The following CAMSAP1 variants were observed in gnomAD, a reference collection of about 807,000 sequenced individuals.
The protein encoded by CAMSAP1 is calmodulin regulated spectrin associated protein 1.
In CAMSAP1, 58 loss-of-function variants were observed where a neutral mutation model predicts 143.5. The observed-to-expected ratio is 0.40, with a 90% CI of 0.33 to 0.50. The LOEUF is 0.50. Among genes scored for constraint, CAMSAP1 ranks in the 20% least tolerant of loss-of-function variants. The pLI, the probability that CAMSAP1 is intolerant of heterozygous loss-of-function variation, is 0.45. For missense variants in CAMSAP1, 1,969 were observed against 2,115.7 expected, an observed-to-expected ratio of 0.93 and a Z score of 1.36; for synonymous variants, 945 against 859.3, an observed-to-expected ratio of 1.10 and a Z score of -1.74.
intron 1 of CAMSAP1, among the ~76,000 whole-genome samples, chr9:135,901,406 G>A (rs1838612443): frequency 6.6e-6 from 1 of 152,140 alleles, no homozygotes; most frequent in African/African-American, 2.4e-5. Context: ...AGGAGTTTGA[G>A]AAGCCTGGGC....
intron 16 of CAMSAP1, among the ~76,000 whole-genome samples, chr9:135,814,654 C>T (rs1835165104): frequency 6.6e-6 from 1 of 152,274 alleles, no homozygotes; most frequent in Non-Finnish European, 1.5e-5. Context: ...CGTCCTCCGT[C>T]CTCGGTCCTC....
chr9:135,893,499 G>T (rs933628361), intron 1 of CAMSAP1, among the ~76,000 whole-genome samples: 2 of 152,254 alleles, frequency 1.3e-5, no homozygotes, highest in East Asian at 3.9e-4. Flanking sequence ...TTATACAATG[G>T]GCTGATGAAT....
intron 1 of CAMSAP1, among the ~76,000 whole-genome samples, chr9:135,896,146 T>A (rs1228155584): frequency 6.6e-6 from 1 of 152,114 alleles, no homozygotes; most frequent in South Asian, 2.1e-4. Context: ...ATAACATCAT[T>A]ACATGCTCTT....
rs554828972 is a variant in CAMSAP1 at position 135,839,231 on chromosome 9, G to A, written c.1045+10906C>T. Among the ~76,000 whole-genome samples, 12 of 152,284 alleles carry A rather than the reference G, an allele frequency of 7.9e-5. No individual in the cohort carries two copies. In the South Asian group the frequency reaches 2.5e-3, roughly 32 times the overall value. ...CTCCCTGCTGATGCAGAGTGTATGA[G>A]TCCCTATTTCTAGCTACTCAGCAAG... On this transcript the variant is annotated intron_variant, in intron 7 of 16. Coordinates refer to ENST00000389532, the MANE Select transcript of CAMSAP1 (RefSeq NM_015447.4).
intron 1 of CAMSAP1, among the ~76,000 whole-genome samples, chr9:135,894,699 C>T (rs929916983): frequency 6.6e-6 from 1 of 152,218 alleles, no homozygotes; most frequent in Non-Finnish European, 1.5e-5. Flanking sequence ...AACAAGGTGA[C>T]TACTGCTAAA....
intron 1 of CAMSAP1, among the ~76,000 whole-genome samples, chr9:135,885,080 C>T (rs778662161): frequency 6.6e-6 from 1 of 152,198 alleles, no homozygotes; most frequent in Non-Finnish European, 1.5e-5. Context: ...TTGGAGGGAG[C>T]TGCCTTTCTC....
chr9:135,847,841 G>C (rs1397722972), intron 7 of CAMSAP1, among the ~76,000 whole-genome samples: 1 of 38,936 alleles, frequency 2.6e-5, no homozygotes, highest in Non-Finnish European at 4.9e-5. Context: ...CCAGAACAGG[G>C]AAGGGGAGGG....
chr9:135,899,010 T>C (rs997219202), intron 1 of CAMSAP1, among the ~76,000 whole-genome samples: 1 of 107,428 alleles, frequency 9.3e-6, no homozygotes, highest in Non-Finnish European at 2.1e-5. Flanking sequence ...GGAATATTAT[T>C]ACTAAGCAAA....
In CAMSAP1 at chr9:135,821,109, A is replaced by C. The variant is rs1265201568; in HGVS notation, c.3552T>G (p.Ser1184=). The C allele has an allele frequency of 1.2e-6, 2 of 1,613,714 alleles. No individual in the cohort carries two copies. The highest frequency in any genetic ancestry group is 1.7e-6 in the Non-Finnish European group (2 of 1,179,906). Residue 1184 remains serine, a synonymous_variant, in exon 11 of 17, where the codon TCT becomes TCG. Coordinates refer to ENST00000389532, the MANE Select transcript of CAMSAP1 (RefSeq NM_015447.4). This position sits in a 1 kb window ranked among gnomAD's most constrained non-coding sequence, Gnocchi z 4.6. ...ESNQRTLTLS[S]SKDANILSEQ... ...CCGAAAGAATGTTGGCATCTTTGGAAGAGGACAGAGTAAGTGTCCGCTGAT... is the reference window on the plus strand; with the variant it reads ...CCGAAAGAATGTTGGCATCTTTGGACGAGGACAGAGTAAGTGTCCGCTGAT...
intron 5 of CAMSAP1, among the ~76,000 whole-genome samples, chr9:135,856,670 T>C (rs1157517264): frequency 6.6e-6 from 1 of 152,198 alleles, no homozygotes; most frequent in East Asian, 1.9e-4. Flanking sequence ...GGATGTGTGA[T>C]TAAACCCAGA....
At chr9:135,843,760 G>A (rs1202051220) in intron 7 of CAMSAP1, among the ~76,000 whole-genome samples, 1 of 151,382 alleles carries the variant, frequency 6.6e-6, no homozygotes, top group African/African-American at 2.4e-5. Flanking sequence ...TGTAGTCCCA[G>A]CTACTTGGGA....
intron 5 of CAMSAP1, among the ~76,000 whole-genome samples, chr9:135,859,254 A>G (rs1316700923): frequency 6.6e-6 from 1 of 152,222 alleles, no homozygotes; most frequent in Admixed American, 6.5e-5. Flanking sequence ...TCTGTAAGTG[A>G]GCAGATTCCA....
In CAMSAP1 at chr9:135,820,869, G is replaced by A. The variant is rs1835418753; in HGVS notation, c.3792C>T (p.Asp1264=). Residue 1264 remains aspartate (D), a synonymous_variant, in exon 11 of 17, where the codon GAC becomes GAT. Transcript: ENST00000389532. This position sits in a 1 kb window ranked among gnomAD's most constrained non-coding sequence, Gnocchi z 4.4. The part of the protein sequence containing the change: ...DGSADLVSEG[D]QKPGVGFFFK... ...AGAAGAAGCCGACCCCCGGCTTCTG[G>A]TCGCCTTCGCTGACAAGGTCCGCCG... The A allele has an allele frequency of 6.2e-7, 1 of 1,613,330 alleles. No individual in the cohort carries two copies. The highest frequency in any genetic ancestry group is 1.3e-5 in the African/African-American group (1 of 74,944).
At position 135,820,937 on chromosome 9, in the gene CAMSAP1, T is replaced by C; in HGVS notation, c.3724A>G (p.Lys1242Glu). Reference sequence around the variant, plus strand: ...AGCTCCCCATCCTCGTCGGGGGCCTTCAGGTCGGAGAGGTCCACTTCAATG... The same window carrying C: ...AGCTCCCCATCCTCGTCGGGGGCCTCCAGGTCGGAGAGGTCCACTTCAATG... ...SLIEVDLSDL[K>E]APDEDGELVS... The change falls in exon 11 of 17, where the codon AAG (lysine) becomes GAG (glutamate). Residue 1242 changes from lysine (K) to glutamate (E), a missense_variant. Around this residue, in one of 4 missense-constraint regions of CAMSAP1, gnomAD observed 1,390 missense variants for 1,420.8 expected, o/e 0.98. Transcript: ENST00000389532. The surrounding 1 kb of genome is among the most constrained non-coding windows in gnomAD (Gnocchi z 4.4). The C allele has an allele frequency of 6.2e-7, 1 of 1,613,768 alleles. No homozygotes were observed. Among genetic ancestry groups the C allele is most frequent in the Non-Finnish European group, 8.5e-7 (1 of 1,179,798 alleles).
At position 135,882,287 on chromosome 9, in the gene CAMSAP1, C is replaced by T. The variant is rs1046560305; in HGVS notation, c.424-493G>A. Among the ~76,000 whole-genome samples the T allele has an allele frequency of 3.9e-5, 6 of 152,116 alleles. No individual in the cohort carries two copies. The highest frequency in any genetic ancestry group is 1.4e-4 in the African/African-American group (6 of 41,440). ...AATGACACTCTCTTCAACCACCGCA[C>T]GGCACCCGCAGTCTCACCGGGAACG... On this transcript the variant is annotated intron_variant, in intron 2 of 16. Coordinates refer to ENST00000389532, the MANE Select transcript of CAMSAP1 (RefSeq NM_015447.4). The surrounding 1 kb of genome is among the most constrained non-coding windows in gnomAD (Gnocchi z 4.9).
intron 7 of CAMSAP1, among the ~76,000 whole-genome samples, chr9:135,829,072 G>C (rs1174889322): frequency 1.3e-5 from 2 of 152,182 alleles, no homozygotes; most frequent in Non-Finnish European, 2.9e-5. Flanking sequence ...TCTTCATATT[G>C]AATCAACAGA....
At chr9:135,875,073 T>C (rs946574768) in intron 3 of CAMSAP1, among the ~76,000 whole-genome samples, 8 of 152,196 alleles carry the variant, frequency 5.3e-5, no homozygotes, top group Non-Finnish European at 1.0e-4. Flanking sequence ...GCAATACTAA[T>C]AACACATCAA....
chr9:135,835,243 C>T (rs1564429113), intron 7 of CAMSAP1, among the ~76,000 whole-genome samples: 3 of 152,138 alleles, frequency 2.0e-5, no homozygotes, highest in Non-Finnish European at 2.9e-5. Context: ...CCTCCCGCCC[C>T]CACACACACA....
intron 1 of CAMSAP1, among the ~76,000 whole-genome samples, chr9:135,902,125 A>G (rs1380990630): frequency 1.3e-5 from 2 of 152,216 alleles, no homozygotes; most frequent in Non-Finnish European, 2.9e-5. Flanking sequence ...AGGTCATGCT[A>G]GCTGGACCAA....
Sources: allele counts gnomAD v4.1 joint callset (sites outside exome capture counted in the v4.1 genomes callset), GRCh38; gene constraint gnomAD v4.1.1; regional missense constraint gnomAD v4.1.1; non-coding constraint Gnocchi (gnomAD v3.1); transcripts MANE v1.5; gene names NCBI Gene and HGNC (gene_info 2026-07-23, HGNC 2026-07-21).